FBXL17: variants seen among roughly 807,000 people sequenced by gnomAD.
The protein encoded by FBXL17 is F-box/LRR-repeat protein 17.
A neutral mutation model predicts 66.2 loss-of-function variants in FBXL17; 22 were observed. The ratio of observed to expected loss-of-function variants is 0.33; its 90% CI spans 0.24 to 0.47. The LOEUF (loss-of-function observed/expected upper bound fraction) is 0.47, where lower values mean the gene tolerates loss of function less well. Among genes scored for constraint, FBXL17 ranks in the 20% least tolerant of loss-of-function variants. The pLI is 1.00. For missense variants in FBXL17, 878 were observed against 948.2 expected (o/e 0.93, Z 0.97); for synonymous variants, 474 against 400.5 (o/e 1.18, Z -2.19).
chr5:108,052,055 C>G (rs1294925764), intron 6 of FBXL17, among the ~76,000 whole-genome samples: 1 of 141,924 alleles, frequency 7.0e-6, no homozygotes, highest in African/African-American at 2.6e-5. Context: ...GGAGCTTGCA[C>G]TGAGCCGAGA....
intron 2 of FBXL17, among the ~76,000 whole-genome samples, chr5:108,365,984 C>T (rs989942519): frequency 6.6e-6 from 1 of 152,048 alleles, no homozygotes; most frequent in South Asian, 2.1e-4. Context: ...TTTCACTTTC[C>T]ATTTGTAACC....
chr5:107,910,435 C>T (rs1161031464), intron 7 of FBXL17, among the ~76,000 whole-genome samples: 3 of 151,898 alleles, frequency 2.0e-5, no homozygotes, highest in Non-Finnish European at 1.5e-5. Context: ...AAAAAGTATC[C>T]ATCTGAAACT....
intron 8 of FBXL17, among the ~76,000 whole-genome samples, chr5:107,863,859 G>C (rs868054048): frequency 4.6e-5 from 7 of 152,222 alleles, no homozygotes; most frequent in African/African-American, 1.7e-4. Context: ...CAACCCAGAA[G>C]GTTGAGTTAG....
intron 5 of FBXL17, among the ~76,000 whole-genome samples, chr5:108,222,279 G>C (rs1403989650): frequency 1.3e-5 from 2 of 152,036 alleles, no homozygotes; most frequent in African/African-American, 2.4e-5. Context: ...ATCATAAAAA[G>C]CCCACATATG....
chr5:108,229,533 G>T (rs1483590986), intron 4 of FBXL17, among the ~76,000 whole-genome samples: 1 of 152,130 alleles, frequency 6.6e-6, no homozygotes, highest in Non-Finnish European at 1.5e-5. Context: ...AATGAAACTG[G>T]ATCCTCATCT....
rs374629800 is a variant in FBXL17, at chr5:108,357,130, G to C, written c.1374+7608C>G. 2.3e-4 allele frequency among the ~76,000 whole-genome samples: 35 copies of C among 152,098 alleles called. No homozygotes were observed. In the South Asian group the frequency reaches 7.0e-3, roughly 31 times the overall value. ...AAATTGAGAGAAAAAGTACTTAAAA[G>C]CAATCCTTCAGAAATGTTTAAGAAG... On this transcript the variant is annotated intron_variant, in intron 3 of 8. Transcript: ENST00000542267.
At position 108,087,841 on chromosome 5, in the gene FBXL17, T is replaced by C. The variant is rs550393019; in HGVS notation, c.1746-66840A>G. On this transcript the variant is annotated intron_variant, in intron 6 of 8. Transcript: ENST00000542267. Reference sequence around the variant, plus strand: ...ATGTTGGTGAGGCAGAAAGGCATTATTTAATAAATTGAAGTAATACAATTA... The same window carrying C: ...ATGTTGGTGAGGCAGAAAGGCATTACTTAATAAATTGAAGTAATACAATTA... Among the ~76,000 whole-genome samples, 12 of 152,326 alleles carry C rather than the reference T, an allele frequency of 7.9e-5. No homozygotes were observed. The East Asian group carries it at 2.3e-3, about 29-fold the overall frequency.
chr5:108,130,889 A>G (rs1327412047), intron 6 of FBXL17, among the ~76,000 whole-genome samples: 2 of 152,100 alleles, frequency 1.3e-5, no homozygotes, highest in African/African-American at 4.8e-5. Flanking sequence ...TCATTTTAAT[A>G]TATTTCTCAT....
intron 6 of FBXL17, among the ~76,000 whole-genome samples, chr5:108,110,649 ATTCT>A (rs1268457230): frequency 5.9e-5 from 9 of 152,130 alleles, no homozygotes; most frequent in Admixed American, 2.0e-4. Flanking sequence ...TTTTCAAAGT[ATTCT>A]TTATTTTCTT....
chr5:108,043,575 A>T (rs1184854938), intron 6 of FBXL17, among the ~76,000 whole-genome samples: 1 of 152,126 alleles, frequency 6.6e-6, no homozygotes, highest in Non-Finnish European at 1.5e-5. Context: ...GTTCTGTTCC[A>T]TTAATCTGTA....
intron 6 of FBXL17, 107 bp downstream of exon 6, chr5:108,186,010 G>T (rs1220645276): frequency 1.2e-6 from 1 of 827,410 alleles, no homozygotes; most frequent in East Asian, 2.7e-5. Flanking sequence ...AATTTGAAAA[G>T]GCACAGCTGT....
At chr5:108,370,311 A>T (rs995247381) in intron 1 of FBXL17, among the ~76,000 whole-genome samples, 1 of 152,212 alleles carries the variant, frequency 6.6e-6, no homozygotes, top group Non-Finnish European at 1.5e-5. Flanking sequence ...ACCTAAAATG[A>T]CTTACCTCTA....
At chr5:108,025,019 AATGGCCCATTCTAC>A (rs1754745772) in intron 6 of FBXL17, among the ~76,000 whole-genome samples, 1 of 152,204 alleles carries the variant, frequency 6.6e-6, no homozygotes, top group Admixed American at 6.5e-5. Context: ...TATGGAAAAC[AATGGCCCATTCTAC>A]ATACATACCA....
chr5:108,317,213 A>C (rs1264232271), intron 4 of FBXL17, among the ~76,000 whole-genome samples: 1 of 151,434 alleles, frequency 6.6e-6, no homozygotes, highest in East Asian at 1.9e-4. Flanking sequence ...AATCAAACCC[A>C]TATATATTCA....
chr5:108,127,133 T>C (rs1354296355), intron 6 of FBXL17, among the ~76,000 whole-genome samples: 1 of 152,212 alleles, frequency 6.6e-6, no homozygotes, highest in Non-Finnish European at 1.5e-5. Flanking sequence ...GAGAAAGATA[T>C]GCACATGAAA....
intron 3 of FBXL17, among the ~76,000 whole-genome samples, chr5:108,361,892 C>T (rs1341493802): frequency 6.6e-6 from 1 of 152,126 alleles, no homozygotes; most frequent in East Asian, 1.9e-4. Context: ...ATCTGGGTCC[C>T]ACACTGGGAA....
Position 107,866,757 on chromosome 5 carries a change from C to T in FBXL17, c.1966-4897G>A, listed in dbSNP as rs563553681. ...TTTTGACTCAGGTTTTAAGAGAAGA[C>T]ATATTTATGATGGGGGAAAATATTT... On this transcript the variant is annotated intron_variant, in intron 8 of 8. Coordinates refer to ENST00000542267, the MANE Select transcript of FBXL17 (RefSeq NM_001163315.3). 4.6e-4 allele frequency among the ~76,000 whole-genome samples: 70 copies of T among 152,232 alleles called. 1 individual carries two copies. Among genetic ancestry groups the T allele is most frequent in the Non-Finnish European group, 8.5e-4 (58 of 68,002 alleles).
intron 7 of FBXL17, among the ~76,000 whole-genome samples, chr5:107,982,048 C>A (rs1292063568): frequency 6.6e-6 from 1 of 152,010 alleles, no homozygotes; most frequent in East Asian, 1.9e-4. Context: ...AGAGTAGGGA[C>A]CTAACTATGA....
At chr5:108,030,868 G>T (rs1420812598) in intron 6 of FBXL17, among the ~76,000 whole-genome samples, 1 of 152,076 alleles carries the variant, frequency 6.6e-6, no homozygotes, top group Non-Finnish European at 1.5e-5. Context: ...GCTTCTATAG[G>T]TCGTGAGGGC....
Sources: gnomAD v4.1 joint callset for allele counts (sites outside exome capture counted in the v4.1 genomes callset) on GRCh38, gnomAD v4.1.1 for gene constraint, MANE v1.5 for transcripts, NCBI Gene and HGNC (gene_info 2026-07-23, HGNC 2026-07-21) for gene names.